The following POU2F1 variants were observed in gnomAD, a reference collection of about 807,000 sequenced individuals.
POU2F1 encodes the protein POU class 2 homeobox 1.
Under a neutral mutation model 84.9 loss-of-function variants are expected in POU2F1, and 16 were observed. The observed-to-expected ratio is 0.19, with a 90% CI of 0.13 to 0.29. The LOEUF (loss-of-function observed/expected upper bound fraction) is 0.29. POU2F1 is among the 10% of genes least tolerant of loss of function. The pLI, the probability that POU2F1 is intolerant of heterozygous loss-of-function variation, is 1.00. For missense variants in POU2F1, 738 were observed against 942.6 expected (o/e 0.78, Z 2.84); for synonymous variants, 368 against 368.3 (o/e 1.00, Z 0.01).
chr1:167,231,672 G>A (rs61814913), intron 1 of POU2F1, among the ~76,000 whole-genome samples: 7,700 of 152,228 alleles, frequency 0.051, 442 homozygotes, highest in Admixed American at 0.18. Context: ...ATGTATATTG[G>A]TCAGTTGGGG....
At chr1:167,268,045 G>C (rs919359714) in intron 1 of POU2F1, among the ~76,000 whole-genome samples, 4 of 152,078 alleles carry the variant, frequency 2.6e-5, no homozygotes, top group East Asian at 1.9e-4. Context: ...GTGTTCTTCA[G>C]CGTGACTCAA....
chr1:167,230,605 T>G lies in POU2F1; in HGVS notation c.61+9647T>G, dbSNP rs191965346. The stretch of plus-strand genomic sequence containing the variant: ...CCTTATTTATCTTAAGGGACCTGTC[T>G]GTCCATTTCTTTATCTCCACAAATA... On this transcript the variant is annotated intron_variant, in intron 1 of 15. Transcript: ENST00000367866. Among the ~76,000 whole-genome samples the G allele has an allele frequency of 4.6e-5, 7 of 152,308 alleles. No individual in the cohort carries two copies. In the East Asian group the frequency reaches 1.4e-3, roughly 29 times the overall value.
At chr1:167,370,031 T>C (rs1420528033) in intron 3 of POU2F1, 130 bp from the exon 4 acceptor site, 2 of 695,388 alleles carry the variant, frequency 2.9e-6, no homozygotes, top group Non-Finnish European at 4.4e-6. Context: ...AAGTTTTAAC[T>C]CCGTAAGACA....
intron 1 of POU2F1, among the ~76,000 whole-genome samples, chr1:167,221,440 G>C (rs868028713): frequency 6.7e-6 from 1 of 149,544 alleles, no homozygotes; most frequent in Non-Finnish European, 1.5e-5. Context: ...GGCGCGGGGT[G>C]GGGGGCGTGA....
chr1:167,262,305 A>AG (rs1651627215), intron 1 of POU2F1, among the ~76,000 whole-genome samples: 1 of 152,162 alleles, frequency 6.6e-6, no homozygotes, highest in South Asian at 2.1e-4. Flanking sequence ...TAGCTGGACT[A>AG]GGGGTGCCCA....
intron 1 of POU2F1, among the ~76,000 whole-genome samples, chr1:167,247,636 A>G (rs1650433312): frequency 1.3e-5 from 2 of 152,164 alleles, no homozygotes; most frequent in Admixed American, 1.3e-4. Flanking sequence ...CTATAATACA[A>G]TGATCCAGTA....
rs1650944512 is a variant in POU2F1 at position 167,426,297 on chromosome 1, C to T, written c.*10487C>T. 6.6e-6 allele frequency: 1 copy of T among 152,050 alleles called. No individual in the cohort carries two copies. Among genetic ancestry groups the T allele is most frequent in the Non-Finnish European group, 1.5e-5 (1 of 68,016 alleles). The allele number at this position is 152,050 out of a possible 1,614,324, so 9.4% of individuals were successfully genotyped here. A position where few individuals can be genotyped will look rare whatever the true frequency, so the allele number is the denominator to read the frequency against. On this transcript the variant is annotated 3_prime_UTR_variant, in exon 16 of 16. Transcript: ENST00000367866. Reference sequence around the variant, plus strand: ...CAGTGTAATGCTCTTAAAGTCATAGCATGAAAATAATTGAACTGTCCTATT... The same window carrying T: ...CAGTGTAATGCTCTTAAAGTCATAGTATGAAAATAATTGAACTGTCCTATT...
rs964851075 is a variant in POU2F1 at position 167,419,550 on chromosome 1, A to G, written c.*3740A>G. On this transcript the variant is annotated 3_prime_UTR_variant, in exon 16 of 16. Coordinates refer to ENST00000367866, the MANE Select transcript of POU2F1 (RefSeq NM_002697.4). ...ATTTATACCCTGTATACATCTGAAT[A>G]ACAGAGCAGAAAGACCTAAAAAAGG... 4 of 152,252 alleles carry G rather than the reference A, an allele frequency of 2.6e-5. No homozygotes were observed. Among genetic ancestry groups the G allele is most frequent in the Non-Finnish European group, 5.9e-5 (4 of 68,048 alleles). The allele number at this position is 152,252 out of a possible 1,614,324, so 9.4% of individuals were successfully genotyped here. A position where few individuals can be genotyped will look rare whatever the true frequency, so the allele number is the denominator to read the frequency against.
At chr1:167,376,435 A>T (rs969143220) in intron 7 of POU2F1, 23 of 290,118 alleles carry the variant, frequency 7.9e-5, no homozygotes, top group Non-Finnish European at 1.3e-4. Context: ...CAACATGCCA[A>T]ACATAAATTG....
intron 2 of POU2F1, among the ~76,000 whole-genome samples, chr1:167,345,546 T>C (rs1020476452): frequency 1.4e-4 from 22 of 152,096 alleles, no homozygotes; most frequent in African/African-American, 5.1e-4. Context: ...TCAGATAAAC[T>C]CAGAAGGTAA....
intron 2 of POU2F1, chr1:167,357,383 C>T (rs867857655): frequency 1.1e-5 from 1 of 90,788 alleles, no homozygotes; most frequent in Non-Finnish European, 2.4e-5. Flanking sequence ...CCCCCCACCC[C>T]CCCCCGCTTC....
At position 167,396,370 on chromosome 1, in the gene POU2F1, A is replaced by G; in HGVS notation, c.1072A>G (p.Ser358Gly). 1 of 1,614,104 alleles carries G rather than the reference A, an allele frequency of 6.2e-7. No individual in the cohort carries two copies. The highest frequency in any genetic ancestry group is 8.5e-7 in the Non-Finnish European group (1 of 1,179,946). Residue 358 changes from serine to glycine, a missense_variant, in exon 10 of 16, where the codon AGC (serine) becomes GGC (glycine). Transcript: ENST00000367866. Reference protein sequence around the residue: ...TISRFEALNLSFKNMCKLKPL... With the variant: ...TISRFEALNLGFKNMCKLKPL... ...CTCTCGATTTGAAGCCTTGAACCTCAGCTTTAAGAACATGTGCAAGTTGAA... is the reference window on the plus strand; with the variant it reads ...CTCTCGATTTGAAGCCTTGAACCTCGGCTTTAAGAACATGTGCAAGTTGAA...
At chr1:167,233,050 A>G (rs1254704745) in intron 1 of POU2F1, among the ~76,000 whole-genome samples, 2 of 152,092 alleles carry the variant, frequency 1.3e-5, no homozygotes, top group African/African-American at 4.8e-5. Context: ...CATTCAGGTA[A>G]GTGCCCTCTA....
intron 2 of POU2F1, among the ~76,000 whole-genome samples, chr1:167,352,141 A>G (rs968681309): frequency 6.6e-6 from 1 of 152,246 alleles, no homozygotes; most frequent in African/African-American, 2.4e-5. Context: ...TCACAACTTA[A>G]TGGTAATACT....
chr1:167,268,044 A>G (rs897728033), intron 1 of POU2F1, among the ~76,000 whole-genome samples: 3 of 152,122 alleles, frequency 2.0e-5, no homozygotes, highest in Admixed American at 1.3e-4. Flanking sequence ...GGTGTTCTTC[A>G]GCGTGACTCA....
chr1:167,328,885 G>T (rs891500458), intron 1 of POU2F1, among the ~76,000 whole-genome samples: 5 of 152,130 alleles, frequency 3.3e-5, no homozygotes, highest in African/African-American at 1.2e-4. Context: ...GTGCTAACGA[G>T]GAGAGATTTG....
intron 2 of POU2F1, among the ~76,000 whole-genome samples, chr1:167,351,342 C>T (rs963396172): frequency 2.6e-5 from 4 of 151,506 alleles, no homozygotes; most frequent in African/African-American, 9.7e-5. Context: ...GCAACAAGAG[C>T]GAAACTCTGT....
At chr1:167,267,881 C>T (rs558475542) in intron 1 of POU2F1, among the ~76,000 whole-genome samples, 1 of 152,128 alleles carries the variant, frequency 6.6e-6, no homozygotes, top group Admixed American at 6.5e-5. Flanking sequence ...ACCTCATGAT[C>T]TGCCTGCCTC....
intron 1 of POU2F1, among the ~76,000 whole-genome samples, chr1:167,244,040 C>T (rs1453776400): frequency 1.3e-5 from 2 of 152,168 alleles, no homozygotes; most frequent in Non-Finnish European, 2.9e-5. Flanking sequence ...CTCATCCTGC[C>T]TCTTGAGAAT....
Sources: allele counts gnomAD v4.1 joint callset (sites outside exome capture counted in the v4.1 genomes callset), GRCh38; gene constraint gnomAD v4.1.1; transcripts MANE v1.5; gene names NCBI Gene and HGNC (gene_info 2026-07-23, HGNC 2026-07-21).